Variants in MSN observed in about 807,000 individuals in gnomAD.
The protein encoded by MSN is epididymis luminal protein 70.
MSN carries 2 observed loss-of-function variants against 48.0 expected under a neutral mutation model. The observed-to-expected ratio is 0.04, with a 90% confidence interval of 0.02 to 0.13. The LOEUF (loss-of-function observed/expected upper bound fraction) is 0.13. Among genes scored for constraint, MSN ranks in the 10% least tolerant of loss-of-function variants. The pLI, the probability that MSN is intolerant of heterozygous loss-of-function variation, is 1.00. For missense variants in MSN, 267 were observed against 470.1 expected, an observed-to-expected ratio of 0.57 and a Z score of 3.99; for synonymous variants, 146 against 166.9, an observed-to-expected ratio of 0.87 and a Z score of 0.97.
intron 8 of MSN, among the ~76,000 whole-genome samples, chrX:65,735,631 C>T (rs1415989919): frequency 8.9e-6 from 1 of 112,234 alleles, no homozygotes; most frequent in East Asian, 2.8e-4. Context: ...CAGGAAACTG[C>T]CCTGTAGGAC....
chrX:65,588,640 T>C (rs998198922), intron 1 of MSN: 1 of 791,793 alleles, frequency 1.3e-6, no homozygotes, highest in African/African-American at 2.2e-5. Flanking sequence ...GGCTGAGGGT[T>C]GGGAGAGGTT....
rs1315064378 is a variant in MSN, at chrX:65,619,174, C to T, written c.-22+30562C>T. 9.9e-5 allele frequency among the ~76,000 whole-genome samples: 10 copies of T among 101,324 alleles called. No individual in the cohort carries two copies. The East Asian group carries it at 3.0e-3, about 30-fold the overall frequency. The allele number at this position is 101,324 out of a possible 115,157, so 88.0% of individuals were successfully genotyped here. On this transcript the variant is annotated intron_variant, in intron 1 of 3. Transcript: ENST00000609672. Reference sequence around the variant, plus strand: ...TTCATTTCAACTTTGGTGAATCTGACAATTATGTGTCTTGGAGTTGCTCTT... The same window carrying T: ...TTCATTTCAACTTTGGTGAATCTGATAATTATGTGTCTTGGAGTTGCTCTT...
intron 1 of MSN, among the ~76,000 whole-genome samples, chrX:65,670,302 AG>A (rs1297808024): frequency 8.9e-6 from 1 of 112,258 alleles, no homozygotes. Flanking sequence ...AGCGTGTGAC[AG>A]ATGGAGAAAG....
intron 1 of MSN, among the ~76,000 whole-genome samples, chrX:65,630,365 G>A (rs2070546568): frequency 9.0e-6 from 1 of 111,017 alleles, no homozygotes; most frequent in African/African-American, 3.3e-5. Context: ...GAGCCCAGGG[G>A]TTTGAAACCA....
At chrX:65,697,921 G>C (rs2071261335) in intron 1 of MSN, among the ~76,000 whole-genome samples, 1 of 112,064 alleles carries the variant, frequency 8.9e-6, no homozygotes, top group South Asian at 3.7e-4. Flanking sequence ...GTTCCATTCT[G>C]TGAAACTGGG....
chrX:65,692,899 C>T (rs901456186), intron 1 of MSN, among the ~76,000 whole-genome samples: 5 of 111,366 alleles, frequency 4.5e-5, no homozygotes, highest in South Asian at 3.8e-4. Context: ...AGGCTGGTCT[C>T]GAACTCCTGG....
chrX:65,619,843 C>G (rs2070417350), intron 1 of MSN, among the ~76,000 whole-genome samples: 1 of 108,998 alleles, frequency 9.2e-6, no homozygotes, highest in Non-Finnish European at 1.9e-5. Context: ...GTGGTTTTAT[C>G]TACTTTTGGT....
At chrX:65,695,309 T>A (rs2071222834) in intron 1 of MSN, among the ~76,000 whole-genome samples, 1 of 110,113 alleles carries the variant, frequency 9.1e-6, no homozygotes, top group Admixed American at 9.6e-5. Context: ...GAGACCAGCC[T>A]GATCAACATG....
intron 1 of MSN, among the ~76,000 whole-genome samples, chrX:65,617,866 A>T (rs1331901088): frequency 2.7e-5 from 3 of 109,707 alleles, no homozygotes; most frequent in Non-Finnish European, 5.7e-5. Flanking sequence ...TTCCCTCTAC[A>T]GACTGCTTTG....
chrX:65,672,348 G>T (rs2148385414), intron 1 of MSN, among the ~76,000 whole-genome samples: 1 of 112,150 alleles, frequency 8.9e-6, no homozygotes, highest in East Asian at 2.8e-4. Context: ...TTCTTTCCCT[G>T]CCACCTGCTC....
chrX:65,643,575 A>T (rs978014234), intron 1 of MSN, among the ~76,000 whole-genome samples: 1 of 112,091 alleles, frequency 8.9e-6, no homozygotes, highest in African/African-American at 3.2e-5. Flanking sequence ...TCAAGCTAGA[A>T]AGTTCTAATT....
At chrX:65,617,516 G>A (rs2070386435) in intron 1 of MSN, among the ~76,000 whole-genome samples, 1 of 106,962 alleles carries the variant, frequency 9.3e-6, no homozygotes, top group African/African-American at 3.8e-5. Flanking sequence ...AGTATTCCCT[G>A]ATGGTAGTTT....
At chrX:65,615,266 T>G (rs1466301458) in intron 1 of MSN, among the ~76,000 whole-genome samples, 1 of 108,540 alleles carries the variant, frequency 9.2e-6, no homozygotes, top group African/African-American at 3.5e-5. Context: ...TCTAGATCCC[T>G]GAGGAATCGC....
At chrX:65,634,764 G>A (rs1033240603) in intron 1 of MSN, among the ~76,000 whole-genome samples, 2 of 111,801 alleles carry the variant, frequency 1.8e-5, no homozygotes, top group African/African-American at 3.2e-5. Flanking sequence ...AGCTTTTTTC[G>A]CACTTGTTTG....
Position 65,658,374 on chromosome X carries a change from T to C in MSN, c.-21-58444T>C, listed in dbSNP as rs184173909. On this transcript the variant is annotated intron_variant, in intron 1 of 3. Transcript: ENST00000609672. ...GCTGATATTTTTTCTCATCTGTCTCTGACACATTTCTCTTCTATGAATGAA... is the reference window on the plus strand; with the variant it reads ...GCTGATATTTTTTCTCATCTGTCTCCGACACATTTCTCTTCTATGAATGAA... 4.7e-3 allele frequency among the ~76,000 whole-genome samples: 522 copies of C among 112,119 alleles called. 4 individuals carry two copies. The highest frequency in any genetic ancestry group is 0.016 in the African/African-American group (501 of 30,868).
chrX:65,661,276 G>A (rs914754489), intron 1 of MSN, among the ~76,000 whole-genome samples: 31 of 111,890 alleles, frequency 2.8e-4, no homozygotes, highest in African/African-American at 8.8e-4. Context: ...TTGTTATTTT[G>A]TGGTATGTTC....
chrX:65,630,735 A>G (rs1323870696), intron 1 of MSN, among the ~76,000 whole-genome samples: 1 of 111,866 alleles, frequency 8.9e-6, no homozygotes, highest in African/African-American at 3.3e-5. Context: ...CCTTTTCTGA[A>G]TATTTCATAT....
chrX:65,596,203 A>G (rs1338990910), intron 1 of MSN, among the ~76,000 whole-genome samples: 1 of 111,389 alleles, frequency 9.0e-6, no homozygotes, highest in Non-Finnish European at 1.9e-5. Flanking sequence ...GACTGAATGG[A>G]AACTGGGGAC....
chrX:65,700,878 T>C (rs959641079), intron 1 of MSN, among the ~76,000 whole-genome samples: 11 of 111,753 alleles, frequency 9.8e-5, no homozygotes, highest in Non-Finnish European at 2.1e-4. Flanking sequence ...AGGTTACCAA[T>C]ATGCAGTCCT....
Sources: gnomAD v4.1 joint callset for allele counts (sites outside exome capture counted in the v4.1 genomes callset) on GRCh38, gnomAD v4.1.1 for gene constraint, MANE v1.5 for transcripts, NCBI Gene and HGNC (gene_info 2026-07-23, HGNC 2026-07-21) for gene names.